Variants in CWH43 observed in about 807,000 individuals in gnomAD.
The protein encoded by CWH43 is PGAP2-interacting protein.
CWH43 carries 91 observed loss-of-function variants against 85.7 expected under a neutral mutation model. That is an observed-to-expected ratio of 1.06 (90% CI 0.90 to 1.26). The LOEUF (loss-of-function observed/expected upper bound fraction) is 1.26, where lower values mean the gene tolerates loss of function less well. CWH43 is among the 50% of genes most tolerant of loss of function. The pLI, the probability that CWH43 is intolerant of heterozygous loss-of-function variation, is 0.00. For synonymous variants in CWH43, 323 were observed against 293.6 expected (o/e 1.10, Z -1.02); for missense variants, 869 against 839.2 (o/e 1.04, Z -0.44).
chr4:49,047,489 T>C (rs1018197974), intron 14 of CWH43, among the ~76,000 whole-genome samples: 5 of 151,928 alleles, frequency 3.3e-5, no homozygotes, highest in African/African-American at 1.2e-4. Context: ...TGGGGTGCAA[T>C]TGTAAGTAGG....
At position 49,012,825 on chromosome 4, in the gene CWH43, G is replaced by T. The variant is rs183543706; in HGVS notation, c.1187-4424G>T. ...AGGCTGCAGAATAGGAAATATTGCAGAATAGTAAATATTGCTGCCTGATCC... is the reference window on the plus strand; with the variant it reads ...AGGCTGCAGAATAGGAAATATTGCATAATAGTAAATATTGCTGCCTGATCC... On this transcript the variant is annotated intron_variant, in intron 8 of 15. Coordinates refer to ENST00000226432, the MANE Select transcript of CWH43 (RefSeq NM_025087.3). Among the ~76,000 whole-genome samples, 5 of 152,342 alleles carry T rather than the reference G, an allele frequency of 3.3e-5. No individual in the cohort carries two copies. The East Asian group carries it at 9.6e-4, about 29-fold the overall frequency.
chr4:49,021,429 G>C (rs926931169), intron 9 of CWH43, among the ~76,000 whole-genome samples: 2 of 152,066 alleles, frequency 1.3e-5, no homozygotes, highest in Non-Finnish European at 2.9e-5. Flanking sequence ...TTTTATACCA[G>C]TACCATGCTG....
chr4:49,048,777 A>G (rs1256019235), intron 14 of CWH43, among the ~76,000 whole-genome samples: 1 of 152,104 alleles, frequency 6.6e-6, no homozygotes, highest in East Asian at 1.9e-4. Context: ...ATATGGCCAC[A>G]CTGGGGGTTA....
At position 49,028,643 on chromosome 4, in the gene CWH43, G is replaced by T; in HGVS notation, c.1281G>T (p.Glu427Asp). ...RKLGKVAPTK[E>D]VSAAIWPFRF... ...CAATTCCTCAGGCACCAACCAAAGAGGTCTCTGCTGCCATCTGGCCTTTCA... is the reference window on the plus strand; with the variant it reads ...CAATTCCTCAGGCACCAACCAAAGATGTCTCTGCTGCCATCTGGCCTTTCA... The change falls in exon 10 of 16, where the codon GAG becomes GAT. Residue 427 changes from glutamate (E) to aspartate (D), a missense_variant. Physicochemically the swap from Glu to Asp is conservative, Grantham distance 45. Transcript: ENST00000226432. 11 of 1,613,178 alleles carry T rather than the reference G, an allele frequency of 6.8e-6. No homozygotes were observed. The highest frequency in any genetic ancestry group is 9.3e-6 in the Non-Finnish European group (11 of 1,179,442).
In CWH43 at chr4:48,988,672, A is replaced by C. The variant is rs1560482653; in HGVS notation, c.235+4A>C. On this transcript the variant is annotated splice_donor_region_variant and intron_variant, in intron 2 of 15. Coordinates refer to ENST00000226432, the MANE Select transcript of CWH43 (RefSeq NM_025087.3). ...CTGCTGAGGATAATCACTATTGGTA[A>C]GATTTAAAAGAGTTTCTTTAAGTTG... 2 of 1,562,538 alleles carry C rather than the reference A, an allele frequency of 1.3e-6. No homozygotes were observed. Among genetic ancestry groups the C allele is most frequent in the Non-Finnish European group, 1.7e-6 (2 of 1,155,382 alleles).
chr4:49,057,508 G>C (rs1274096033), intron 15 of CWH43, among the ~76,000 whole-genome samples: 2 of 152,188 alleles, frequency 1.3e-5, no homozygotes, highest in Non-Finnish European at 2.9e-5. Flanking sequence ...TTCCCAGCTT[G>C]ACTTTTCCCT....
intron 14 of CWH43, 63 bp from the exon 15 acceptor site, chr4:49,050,631 G>T: frequency 7.4e-7 from 1 of 1,353,270 alleles, no homozygotes; most frequent in Non-Finnish European, 1.0e-6. Context: ...GGTATCACTT[G>T]GATCTCGTTA....
intron 2 of CWH43, 58 bp from the exon 3 acceptor site, chr4:48,991,396 C>A: frequency 1.3e-6 from 2 of 1,597,194 alleles, no homozygotes; most frequent in South Asian, 2.2e-5. Context: ...AAATGCAGAT[C>A]ACGGAGTTCC....
chr4:49,042,656 G>C (rs1468027612), intron 13 of CWH43, among the ~76,000 whole-genome samples: 1 of 152,172 alleles, frequency 6.6e-6, no homozygotes, highest in Non-Finnish European at 1.5e-5. Flanking sequence ...TAGAGTGCTA[G>C]AGTTAGAGAA....
At chr4:49,016,746 C>T in intron 8 of CWH43, 1 of 777,578 alleles carries the variant, frequency 1.3e-6, no homozygotes, top group East Asian at 2.4e-5. Flanking sequence ...CTCAGTGATG[C>T]CAGCTTCCCT....
At chr4:48,996,387 G>C (rs998255577) in intron 5 of CWH43, among the ~76,000 whole-genome samples, 1 of 151,852 alleles carries the variant, frequency 6.6e-6, no homozygotes, top group South Asian at 2.1e-4. Context: ...TTTAAAAAAT[G>C]TTTTTCTTCC....
intron 10 of CWH43, among the ~76,000 whole-genome samples, chr4:49,029,932 G>A (rs1297892778): frequency 3.3e-5 from 5 of 152,166 alleles, no homozygotes; most frequent in Non-Finnish European, 7.3e-5. Context: ...AATACAGAGG[G>A]AACTCAGTGA....
At position 49,017,312 on chromosome 4, in the gene CWH43, G is replaced by A; in HGVS notation, c.1250G>A (p.Arg417Lys). The change falls in exon 9 of 16, where the codon AGA (arginine) becomes AAA (lysine). Residue 417 changes from arginine (R) to lysine (K), a missense_variant. Physicochemically the swap from Arg to Lys is conservative, Grantham distance 26. Coordinates refer to ENST00000226432, the MANE Select transcript of CWH43 (RefSeq NM_025087.3). Reference protein sequence around the residue: ...GLGLRHKAYERKLGKVAPTKE... With the variant: ...GLGLRHKAYEKKLGKVAPTKE... ...GGACTACGGCATAAAGCCTATGAGA[G>A]AAAACTGGGCAAAGTGGTAAGTAAT... 2 of 1,610,184 alleles carry A rather than the reference G, an allele frequency of 1.2e-6. No homozygotes were observed. Among genetic ancestry groups the A allele is most frequent in the Non-Finnish European group, 1.7e-6 (2 of 1,177,386 alleles).
rs768233261 is a variant in CWH43, at chr4:48,998,510, T to A, written c.764T>A (p.Leu255Ter). Residue 255 changes from leucine (L) to a stop codon, truncating the protein, a stop_gained, in exon 6 of 16, where the codon TTG becomes TAG. Transcript: ENST00000226432. LOFTEE classifies it high-confidence loss of function. ...AGTGGATTGATGCTTCCATCTTGTT[T>A]GTGGTTTCGTGGTACTGGTTTGATC... ...LASGLMLPSC[L>*]WFRGTGLIWW... 6.2e-7 allele frequency: 1 copy of A among 1,614,022 alleles called. No individual in the cohort carries two copies. The highest frequency in any genetic ancestry group is 1.1e-5 in the South Asian group (1 of 91,082).
chr4:49,042,703 C>A (rs976382872), intron 13 of CWH43, among the ~76,000 whole-genome samples: 1 of 152,092 alleles, frequency 6.6e-6, no homozygotes, highest in African/African-American at 2.4e-5. Flanking sequence ...CTGATGAAGT[C>A]ACATTGAATG....
Position 48,998,444 on chromosome 4 carries a change from A to G in CWH43, c.714-16A>G. ...TTACTAATGTCACATGTCTTAGAGC[A>G]TGTCCTTTTTCACAGAGGTGCAGTA... On this transcript the variant is annotated splice_polypyrimidine_tract_variant and intron_variant, in intron 5 of 15. Transcript: ENST00000226432. 6.3e-7 allele frequency: 1 copy of G among 1,585,120 alleles called. No individual in the cohort carries two copies. Among genetic ancestry groups the G allele is most frequent in the Non-Finnish European group, 8.7e-7 (1 of 1,153,810 alleles).
At chr4:49,001,642 T>C (rs1322984395) in intron 6 of CWH43, among the ~76,000 whole-genome samples, 5 of 152,262 alleles carry the variant, frequency 3.3e-5, no homozygotes, top group Non-Finnish European at 4.4e-5. Context: ...AGCATTTGAA[T>C]TGTAATTTTG....
intron 10 of CWH43, among the ~76,000 whole-genome samples, chr4:49,029,989 G>A (rs1784043523): frequency 6.6e-6 from 1 of 152,134 alleles, no homozygotes. Context: ...GGTCCCCTGG[G>A]CCCACTGTTC....
chr4:49,017,328 GGTAA>G lies in CWH43; in HGVS notation c.1266+5_1266+8del, dbSNP rs1245761568. On this transcript the variant is annotated splice_donor_variant and splice_donor_region_variant and intron_variant, in intron 9 of 15. Coordinates refer to ENST00000226432, the MANE Select transcript of CWH43 (RefSeq NM_025087.3). LOFTEE classifies it high-confidence loss of function. ...CCTATGAGAGAAAACTGGGCAAAGT[GGTAA>G]GTAATTAAAAACCTTGAAATAGAAT... is the stretch of plus-strand genomic sequence containing the variant. 6.3e-7 allele frequency: 1 copy of G among 1,598,204 alleles called. No homozygotes were observed. Among genetic ancestry groups the G allele is most frequent in the East Asian group, 2.2e-5 (1 of 44,752 alleles).
Sources: gnomAD v4.1 joint callset for allele counts (sites outside exome capture counted in the v4.1 genomes callset) on GRCh38, gnomAD v4.1.1 for gene constraint, MANE v1.5 for transcripts, NCBI Gene and HGNC (gene_info 2026-07-23, HGNC 2026-07-21) for gene names.